The following RGPD2 variants were observed in gnomAD, a reference collection of about 807,000 sequenced individuals.
The protein encoded by RGPD2 is RANBP2 like and GRIP domain containing 2.
RGPD2 carries 2 observed loss-of-function variants against 36.0 expected under a neutral mutation model. The observed-to-expected ratio is 0.06, with a 90% CI of 0.02 to 0.17. The LOEUF (loss-of-function observed/expected upper bound fraction) is 0.17, where lower values mean the gene tolerates loss of function less well. RGPD2 is among the 10% of genes least tolerant of loss of function. RGPD2 has a pLI of 1.00. For synonymous variants in RGPD2, 19 were observed against 163.8 expected, an observed-to-expected ratio of 0.12 and a Z score of 6.75; for missense variants, 40 against 464.3, an observed-to-expected ratio of 0.09 and a Z score of 8.40.
intron 4 of RGPD2, among the ~76,000 whole-genome samples, chr2:87,813,873 T>C (rs1197659598): frequency 1.3e-5 from 2 of 149,916 alleles, no homozygotes; most frequent in East Asian, 3.9e-4. Context: ...ATCTCATGGA[T>C]TTCAATTCCA....
the RGPD2 span, among the ~76,000 whole-genome samples, chr2:87,937,124 T>C: frequency 6.5e-4 from 99 of 151,966 alleles, 1 homozygote; most frequent in Non-Finnish European, 1.1e-3. Flanking sequence ...AGATGAGCGG[T>C]AAATATTATG....
chr2:87,915,731 T>C, the RGPD2 span, among the ~76,000 whole-genome samples: 1 of 148,556 alleles, frequency 6.7e-6, no homozygotes, highest in Non-Finnish European at 1.5e-5. Flanking sequence ...TAGTCACTTG[T>C]TCTATCGAGA....
At chr2:87,809,828 G>A (rs1686104938) in intron 6 of RGPD2, among the ~76,000 whole-genome samples, 2 of 145,428 alleles carry the variant, frequency 1.4e-5, no homozygotes, top group African/African-American at 2.5e-5. Flanking sequence ...CTCCCCCTCT[G>A]AGGGCCAAGG....
the RGPD2 span, among the ~76,000 whole-genome samples, chr2:87,870,252 G>A: frequency 7.2e-3 from 1,098 of 152,300 alleles, 1 homozygote; most frequent in Non-Finnish European, 0.013. Flanking sequence ...GTTAGTAAAG[G>A]GCCAGGTTGG....
chr2:87,985,715 G>T, the RGPD2 span: 142 of 1,560,340 alleles, frequency 9.1e-5, 1 homozygote, highest in East Asian at 3.0e-3. Flanking sequence ...GAAAACAATT[G>T]TATTTACTTA....
the RGPD2 span, among the ~76,000 whole-genome samples, chr2:87,954,994 CTTTTTTT>C: frequency 0.01 from 194 of 19,164 alleles, 1 homozygote; most frequent in East Asian, 0.021. Context: ...CTGCTTGAAA[CTTTTTTT>C]TTTTTTTTTT....
the RGPD2 span, among the ~76,000 whole-genome samples, chr2:87,883,179 A>C: frequency 6.6e-6 from 1 of 152,104 alleles, no homozygotes; most frequent in Non-Finnish European, 1.5e-5. Context: ...ACAGTAAAAA[A>C]TGGAAAGAGA....
At chr2:87,868,824 T>G in the RGPD2 span, among the ~76,000 whole-genome samples, 1 of 152,122 alleles carries the variant, frequency 6.6e-6, no homozygotes, top group African/African-American at 2.4e-5. Context: ...CTTATCATCC[T>G]ATGTAAAACA....
chr2:87,857,539 T>A, the RGPD2 span, among the ~76,000 whole-genome samples: 1 of 151,326 alleles, frequency 6.6e-6, no homozygotes, highest in African/African-American at 2.4e-5. Flanking sequence ...AGACGGGGTT[T>A]CACCGTGTTA....
chr2:87,939,618 T>C, the RGPD2 span, among the ~76,000 whole-genome samples: 2 of 151,916 alleles, frequency 1.3e-5, no homozygotes, highest in Admixed American at 6.6e-5. Context: ...CCAAGATGGT[T>C]ATTTATGGTG....
the RGPD2 span, among the ~76,000 whole-genome samples, chr2:87,967,396 G>A: frequency 1.3e-5 from 2 of 149,786 alleles, no homozygotes; most frequent in East Asian, 3.9e-4. Flanking sequence ...GTGACAGAAC[G>A]AGACTCCATC....
the RGPD2 span, among the ~76,000 whole-genome samples, chr2:87,988,541 A>ATTTTT: frequency 8.1e-4 from 44 of 54,156 alleles, no homozygotes; most frequent in African/African-American, 1.6e-3. Context: ...ATATATATAT[A>ATTTTT]TTTTTTTTTT....
the RGPD2 span, among the ~76,000 whole-genome samples, chr2:87,932,895 T>C: frequency 1.4e-5 from 2 of 145,274 alleles, no homozygotes; most frequent in Non-Finnish European, 3.0e-5. Context: ...TTTTCTTTCA[T>C]TTTGACCTTG....
intron 20 of RGPD2, among the ~76,000 whole-genome samples, chr2:87,781,602 T>C (rs1182564143): frequency 6.6e-6 from 1 of 151,132 alleles, no homozygotes; most frequent in African/African-American, 2.4e-5. Flanking sequence ...CTGCTAATTA[T>C]AGGCACGCAC....
the RGPD2 span, among the ~76,000 whole-genome samples, chr2:87,973,241 G>C: frequency 4.7e-5 from 7 of 150,396 alleles, no homozygotes; most frequent in Non-Finnish European, 1.0e-4. Context: ...GGTGAGCCTG[G>C]GGCAGGGGTG....
At chr2:87,809,679 C>A (rs1454432448) in intron 6 of RGPD2, among the ~76,000 whole-genome samples, 10 of 149,966 alleles carry the variant, frequency 6.7e-5, no homozygotes, top group Admixed American at 1.3e-4. Context: ...CCACCCTAAG[C>A]CACACTGTGA....
At chr2:87,915,306 G>GTGTATA in the RGPD2 span, among the ~76,000 whole-genome samples, 1 of 110,770 alleles carries the variant, frequency 9.0e-6, no homozygotes, top group African/African-American at 4.1e-5. Flanking sequence ...TATATATATT[G>GTGTATA]TATATATATG....
the RGPD2 span, among the ~76,000 whole-genome samples, chr2:87,988,027 A>T: frequency 6.6e-6 from 1 of 152,040 alleles, no homozygotes; most frequent in Non-Finnish European, 1.5e-5. Context: ...GCAACTTGGA[A>T]TACCATTTAC....
chr2:87,971,693 T>A, the RGPD2 span, among the ~76,000 whole-genome samples: 4 of 151,690 alleles, frequency 2.6e-5, no homozygotes, highest in Non-Finnish European at 5.9e-5. Context: ...TGGAACTTGA[T>A]TATTTATTTA....
Sources: gnomAD v4.1 joint callset for allele counts (sites outside exome capture counted in the v4.1 genomes callset) on GRCh38, gnomAD v4.1.1 for gene constraint, MANE v1.5 for transcripts, NCBI Gene and HGNC (gene_info 2026-07-23, HGNC 2026-07-21) for gene names.